Variants in CFHR5 observed in about 807,000 individuals in gnomAD.
The protein encoded by CFHR5 is complement factor H related 5.
In CFHR5, 73 loss-of-function variants were observed where a neutral mutation model predicts 62.9. The ratio of observed to expected loss-of-function variants is 1.16; its 90% CI spans 0.96 to 1.41. CFHR5 has a LOEUF of 1.41. CFHR5 is among the 40% of genes most tolerant of loss of function. CFHR5 has a pLI of 0.00. For missense variants in CFHR5, 779 were observed against 679.9 expected (o/e 1.15, Z -1.62); for synonymous variants, 249 against 227.2 (o/e 1.10, Z -0.86).
chr1:196,998,372 G>A (rs531979314), intron 7 of CFHR5, 68 bp downstream of exon 7: 5 of 1,277,266 alleles, frequency 3.9e-6, no homozygotes, highest in East Asian at 5.1e-5. Flanking sequence ...TTTGAAATTA[G>A]AATGTTTTTA....
chr1:197,007,611 T>A (rs1654321525), intron 9 of CFHR5, among the ~76,000 whole-genome samples: 1 of 149,772 alleles, frequency 6.7e-6, no homozygotes, highest in Non-Finnish European at 1.5e-5. Flanking sequence ...GTAATATAAA[T>A]ATATTACATA....
chr1:196,998,122 T>G lies in CFHR5; in HGVS notation c.971-6T>G, dbSNP rs2125036368. The G allele has an allele frequency of 6.7e-7, 1 of 1,494,468 alleles. No individual in the cohort carries two copies. The highest frequency in any genetic ancestry group is 9.1e-7 in the Non-Finnish European group (1 of 1,099,100). 92.6% of individuals were successfully genotyped at this position (1,494,468 alleles called of 1,614,324 possible). On this transcript the variant is annotated splice_polypyrimidine_tract_variant and splice_region_variant and intron_variant, in intron 6 of 9. Coordinates refer to ENST00000256785, the MANE Select transcript of CFHR5 (RefSeq NM_030787.4). ...TTTAGTTTCTATTTAATATTATTTT[T>G]TATAGCAACACACCAACTTAAGAGG...
Position 196,996,192 on chromosome 1 carries a change from A to C in CFHR5, c.961A>C (p.Met321Leu). ...CINGIWTELPMCVATHQLKRC... is the reference protein window; with the variant it reads ...CINGIWTELPLCVATHQLKRC... ...TAATGGAATATGGACAGAGCTTCCT[A>C]TGTGTGTTGGTGAGAAAACATTCCT... is the stretch of plus-strand genomic sequence containing the variant. Residue 321 changes from methionine to leucine, a missense_variant, in exon 6 of 10, where the codon ATG (methionine) becomes CTG (leucine). Coordinates refer to ENST00000256785, the MANE Select transcript of CFHR5 (RefSeq NM_030787.4). 1 of 1,608,662 alleles carries C rather than the reference A, an allele frequency of 6.2e-7. No homozygotes were observed. Among genetic ancestry groups the C allele is most frequent in the South Asian group, 1.1e-5 (1 of 90,966 alleles).
In CFHR5 at chr1:196,984,090, C is replaced by T. The variant is rs774353375; in HGVS notation, c.383C>T (p.Ser128Leu). The stretch of plus-strand genomic sequence containing the variant: ...CTTCAAAACAATGAGAAAAACATTT[C>T]GTGTGTAGAACGGGGCTGGTCCACT... ...YSLQNNEKNISCVERGWSTPP... is the reference protein window; with the variant it reads ...YSLQNNEKNILCVERGWSTPP... The change falls in exon 3 of 10, where the codon TCG becomes TTG. Residue 128 changes from serine (S) to leucine (L), a missense_variant. Physicochemically the swap from Ser to Leu is moderately radical, Grantham distance 145 (BLOSUM62 -2). Coordinates refer to ENST00000256785, the MANE Select transcript of CFHR5 (RefSeq NM_030787.4). The T allele has an allele frequency of 7.4e-6, 12 of 1,613,768 alleles. No individual in the cohort carries two copies. The highest frequency in any genetic ancestry group is 3.3e-4 in the Middle Eastern group (2 of 6,056).
intron 4 of CFHR5, 43 bp from the exon 5 acceptor site, chr1:196,995,668 CTATACT>C: frequency 6.6e-7 from 1 of 1,512,246 alleles, no homozygotes; most frequent in Non-Finnish European, 9.2e-7. Context: ...CCACATTTTT[CTATACT>C]TATAAGACCA....
In CFHR5 at chr1:197,008,908, A is replaced by G; in HGVS notation, c.*225A>G. The G allele has an allele frequency of 2.0e-6, 1 of 488,676 alleles. No individual in the cohort carries two copies. The highest frequency in any genetic ancestry group is 3.7e-6 in the Non-Finnish European group (1 of 270,590). The allele number at this position is 488,676 out of a possible 1,614,324, so 30.3% of individuals were successfully genotyped here. ...AGTCCATATTACATTGTTATAACAG[A>G]GTATCACAGACTGGATAACTTCTAA... On this transcript the variant is annotated 3_prime_UTR_variant, in exon 10 of 10. Transcript: ENST00000256785.
At chr1:196,994,385 C>T (rs1402539772) in intron 4 of CFHR5, 129 bp downstream of exon 4, 5 of 761,658 alleles carry the variant, frequency 6.6e-6, no homozygotes, top group Admixed American at 2.2e-5. Context: ...AGAAAGGATG[C>T]AGTTCTATAG....
chr1:197,004,307 T>G (rs1315912002), intron 8 of CFHR5, among the ~76,000 whole-genome samples: 1 of 152,164 alleles, frequency 6.6e-6, no homozygotes, highest in East Asian at 1.9e-4. Context: ...TATATGCTAT[T>G]TGCATAAAGT....
chr1:197,006,582 C>G (rs917981244), intron 9 of CFHR5, among the ~76,000 whole-genome samples: 1 of 151,420 alleles, frequency 6.6e-6, no homozygotes. Flanking sequence ...ATGGGTGGCA[C>G]GTGCCTGTAA....
chr1:196,999,742 T>TAC (rs369590384), intron 7 of CFHR5, among the ~76,000 whole-genome samples: 95,056 of 122,548 alleles, frequency 0.78, 37,211 homozygotes, highest in Middle Eastern at 0.85. Flanking sequence ...CACATATATA[T>TAC]ACACACACAT....
intron 6 of CFHR5, 66 bp from the exon 7 acceptor site, chr1:196,998,062 C>A: frequency 1.0e-6 from 1 of 978,286 alleles, no homozygotes; most frequent in Admixed American, 2.2e-5. Context: ...CATAATTATG[C>A]TATTAATATT....
At chr1:196,983,257 T>C (rs756288709) in intron 2 of CFHR5, among the ~76,000 whole-genome samples, 178 bp downstream of exon 2, 4 of 152,202 alleles carry the variant, frequency 2.6e-5, no homozygotes, top group Non-Finnish European at 4.4e-5. Context: ...AGAATAAATA[T>C]ATCAACTGTC....
upstream of CFHR5, among the ~76,000 whole-genome samples, chr1:196,977,320 C>T (rs1571508084): frequency 6.7e-6 from 1 of 150,198 alleles, no homozygotes; most frequent in Admixed American, 6.6e-5. Context: ...AGGGGGCCGG[C>T]GGTGGGGAGC....
At chr1:196,980,280 A>G (rs1177253673) in intron 1 of CFHR5, among the ~76,000 whole-genome samples, 1 of 152,188 alleles carries the variant, frequency 6.6e-6, no homozygotes, top group Non-Finnish European at 1.5e-5. Flanking sequence ...GAACTATAAA[A>G]TAATGATAAC....
At chr1:197,005,770 G>T (rs768146224) in intron 9 of CFHR5, among the ~76,000 whole-genome samples, 1 of 151,962 alleles carries the variant, frequency 6.6e-6, no homozygotes, top group African/African-American at 2.4e-5. Context: ...CCAGAAGTTT[G>T]TTATAGTCTT....
intron 2 of CFHR5, among the ~76,000 whole-genome samples, chr1:196,983,510 C>T (rs1653597426): frequency 6.6e-6 from 1 of 151,868 alleles, no homozygotes; most frequent in South Asian, 2.1e-4. Context: ...TTTATTTGGT[C>T]CTTCAAAGTG....
intron 2 of CFHR5, 62 bp from the exon 3 acceptor site, chr1:196,983,899 A>G: frequency 8.4e-7 from 1 of 1,196,348 alleles, no homozygotes; most frequent in Non-Finnish European, 1.2e-6. Context: ...TTAATGAAAT[A>G]TTTTTAAATG....
chr1:196,983,043 A>G lies in CFHR5; in HGVS notation c.217A>G (p.Thr73Ala), dbSNP rs768077119. The part of the protein sequence containing the change: ...SKSFWTRITC[T>A]EEGWSPTPKC... ...ATCCTTTTGGACTCGCATAACATGCACAGAAGAAGGATGGTCACCAACACC... is the reference window on the plus strand; with the variant it reads ...ATCCTTTTGGACTCGCATAACATGCGCAGAAGAAGGATGGTCACCAACACC... Residue 73 changes from threonine (T) to alanine (A), a missense_variant, in exon 2 of 10, where the codon ACA (threonine) becomes GCA (alanine). By Grantham distance (58) the Thr-to-Ala change is moderately conservative. Coordinates refer to ENST00000256785, the MANE Select transcript of CFHR5 (RefSeq NM_030787.4). 8.1e-6 allele frequency: 13 copies of G among 1,614,066 alleles called. No individual in the cohort carries two copies. Among genetic ancestry groups the G allele is most frequent in the Non-Finnish European group, 1.1e-5 (13 of 1,180,022 alleles).
chr1:197,002,689 T>G, intron 8 of CFHR5, 25 bp downstream of exon 8: 1 of 1,584,010 alleles, frequency 6.3e-7, no homozygotes, highest in Non-Finnish European at 8.7e-7. Flanking sequence ...TCTAAGTAAT[T>G]TCACTTAAAA....
Sources: gnomAD v4.1 joint callset for allele counts (sites outside exome capture counted in the v4.1 genomes callset) on GRCh38, gnomAD v4.1.1 for gene constraint, MANE v1.5 for transcripts, NCBI Gene and HGNC (gene_info 2026-07-23, HGNC 2026-07-21) for gene names.